The following FAM221A variants were observed in gnomAD, a reference collection of about 807,000 sequenced individuals.
The protein encoded by FAM221A is family with sequence similarity 221 member A, also known as protein FAM221A.
A neutral mutation model predicts 37.6 loss-of-function variants in FAM221A; 43 were observed. The observed-to-expected ratio is 1.15, with a 90% CI of 0.90 to 1.48. The LOEUF (loss-of-function observed/expected upper bound fraction) is 1.48. Ranked by LOEUF, FAM221A falls within the 40% of genes most tolerant of loss-of-function variation. The pLI, the probability that FAM221A is intolerant of heterozygous loss-of-function variation, is 0.00. For synonymous variants in FAM221A, 135 were observed against 132.9 expected, an observed-to-expected ratio of 1.02 and a Z score of -0.11; for missense variants, 361 against 361.5, an observed-to-expected ratio of 1.00 and a Z score of 0.01.
intron 3 of FAM221A, among the ~76,000 whole-genome samples, chr7:23,690,867 A>G (rs887578712): frequency 2.0e-5 from 3 of 152,216 alleles, no homozygotes; most frequent in African/African-American, 7.2e-5. Flanking sequence ...ATAGAATCAT[A>G]GAATATGTGG....
chr7:23,686,089 A>G (rs1349010722), intron 2 of FAM221A, among the ~76,000 whole-genome samples: 3 of 152,204 alleles, frequency 2.0e-5, no homozygotes, highest in African/African-American at 2.4e-5. Context: ...AACTCCAACT[A>G]AAAACACTGA....
At chr7:23,690,227 T>C (rs1237061608) in intron 3 of FAM221A, among the ~76,000 whole-genome samples, 1 of 141,236 alleles carries the variant, frequency 7.1e-6, no homozygotes, top group Non-Finnish European at 1.5e-5. Context: ...AGAGTTTTGC[T>C]CTTGTCACCC....
At position 23,698,073 on chromosome 7, in the gene FAM221A, T is replaced by G. The variant is rs780619603; in HGVS notation, c.638-119T>G. ...TTACACCCAGTCTAAAATTTTTTTT[T>G]TATAGAAAGAATTTCTAATAATTCT... On this transcript the variant is annotated intron_variant, in intron 4 of 6. Coordinates refer to ENST00000344962, the MANE Select transcript of FAM221A (RefSeq NM_199136.5). The G allele has an allele frequency of 6.3e-6, 4 of 639,816 alleles. No homozygotes were observed. In the Admixed American group the frequency reaches 1.4e-4, roughly 22 times the overall value. 39.6% of individuals were successfully genotyped at this position (639,816 alleles called of 1,614,324 possible). A position where few individuals can be genotyped will look rare whatever the true frequency, so the allele number is the denominator to read the frequency against.
At chr7:23,690,196 T>C (rs1165066293) in intron 3 of FAM221A, among the ~76,000 whole-genome samples, 1,181 of 47,214 alleles carry the variant, frequency 0.025, 20 homozygotes, top group Non-Finnish European at 0.046. Flanking sequence ...TATATATATA[T>C]ATATTTTTTT....
chr7:23,701,175 A>G (rs533636910), intron 6 of FAM221A, among the ~76,000 whole-genome samples: 1 of 151,130 alleles, frequency 6.6e-6, no homozygotes, highest in Admixed American at 6.6e-5. Flanking sequence ...TTTTTTATAC[A>G]TGTACCTTTA....
intron 2 of FAM221A, chr7:23,686,526 A>G (rs866796696): frequency 3.6e-6 from 1 of 276,298 alleles, no homozygotes; most frequent in African/African-American, 2.3e-5. Flanking sequence ...CGGGCTTTCC[A>G]AAGTACTCAG....
chr7:23,682,125 G>A (rs1784075564), intron 1 of FAM221A, among the ~76,000 whole-genome samples: 1 of 151,990 alleles, frequency 6.6e-6, no homozygotes, highest in African/African-American at 2.4e-5. Context: ...GAGTGCAGTG[G>A]CACTATAATG....
chr7:23,683,098 A>C (rs1784156676), intron 1 of FAM221A, among the ~76,000 whole-genome samples: 1 of 152,196 alleles, frequency 6.6e-6, no homozygotes, highest in African/African-American at 2.4e-5. Flanking sequence ...GTATGGAAAA[A>C]AGCATGTATT....
chr7:23,691,645 T>C, intron 4 of FAM221A, 49 bp downstream of exon 4: 1 of 1,486,060 alleles, frequency 6.7e-7, no homozygotes, highest in Non-Finnish European at 9.4e-7. Flanking sequence ...TTTTTATGTG[T>C]GCTAACAATA....
At chr7:23,699,380 C>T (rs889175548) in intron 5 of FAM221A, among the ~76,000 whole-genome samples, 2 of 151,838 alleles carry the variant, frequency 1.3e-5, no homozygotes, top group Admixed American at 6.6e-5. Context: ...CTCAGCTTCC[C>T]AAAGCACTAG....
Position 23,684,533 on chromosome 7 carries a change from A to G in FAM221A, c.100A>G (p.Thr34Ala). The G allele has an allele frequency of 2.5e-6, 4 of 1,610,544 alleles. No individual in the cohort carries two copies. Among genetic ancestry groups the G allele is most frequent in the Non-Finnish European group, 3.4e-6 (4 of 1,178,964 alleles). The stretch of plus-strand genomic sequence containing the variant: ...TGAGGATGATGGAGGGAAACTTTTT[A>G]CTCCTGAAGAATATGAAGAATACAA... The part of the protein sequence containing the change: ...VGEDDGGKLF[T>A]PEEYEEYKRK... Residue 34 changes from threonine to alanine, a missense_variant, in exon 2 of 7, where the codon ACT (threonine) becomes GCT (alanine). Transcript: ENST00000344962.
rs553285310 is a variant in FAM221A, at chr7:23,692,950, G to T, written c.637+1354G>T. The T allele has an allele frequency of 1.9e-5, 3 of 159,978 alleles. No individual in the cohort carries two copies. In the East Asian group the frequency reaches 5.8e-4, roughly 31 times the overall value. 9.9% of individuals were successfully genotyped at this position (159,978 alleles called of 1,614,324 possible). On this transcript the variant is annotated intron_variant, in intron 4 of 6. Transcript: ENST00000344962. The stretch of plus-strand genomic sequence containing the variant: ...TCCTAGTAGCTGGGATTACAGGCAT[G>T]CATCACCATACCTGGCTTTACTTTT...
chr7:23,696,857 G>C (rs1003198927), intron 4 of FAM221A, among the ~76,000 whole-genome samples: 5 of 152,194 alleles, frequency 3.3e-5, no homozygotes, highest in African/African-American at 1.2e-4. Flanking sequence ...GAAACCTCTT[G>C]CTGGAATTTG....
At chr7:23,686,792 CT>C (rs927531468) in intron 2 of FAM221A, 12 of 145,794 alleles carry the variant, frequency 8.2e-5, no homozygotes, top group Non-Finnish European at 1.1e-4. Flanking sequence ...ATGACTTTTT[CT>C]TTTTTTTTTG....
chr7:23,690,268 G>A (rs777192885), intron 3 of FAM221A, among the ~76,000 whole-genome samples: 3 of 145,096 alleles, frequency 2.1e-5, no homozygotes, highest in Non-Finnish European at 3.0e-5. Flanking sequence ...GCAGTGGTAT[G>A]ATCTTGGCTC....
intron 2 of FAM221A, 25 bp from the exon 3 acceptor site, chr7:23,689,244 T>A (rs778294039): frequency 6.8e-7 from 1 of 1,468,688 alleles, no homozygotes; most frequent in Non-Finnish European, 9.3e-7. Context: ...TGTGTTTATA[T>A]TTCTCTCTCT....
chr7:23,701,776 A>G (rs895664129), intron 6 of FAM221A, among the ~76,000 whole-genome samples: 2 of 152,214 alleles, frequency 1.3e-5, no homozygotes, highest in African/African-American at 4.8e-5. Context: ...GATTAGGTGC[A>G]TTATGTAACT....
rs569178751 is a variant in FAM221A at position 23,696,733 on chromosome 7, A to G, written c.638-1459A>G. ...GTCAATGAAAGAAGGTGGAGTGAAG[A>G]AAGGTGAGAGTAAGGAGAGGAAATA... On this transcript the variant is annotated intron_variant, in intron 4 of 6. Transcript: ENST00000344962. 5.9e-5 allele frequency among the ~76,000 whole-genome samples: 9 copies of G among 152,316 alleles called. No homozygotes were observed. The South Asian group carries it at 1.9e-3, about 32-fold the overall frequency.
intron 1 of FAM221A, among the ~76,000 whole-genome samples, chr7:23,684,110 C>T (rs756081229): frequency 2.0e-5 from 3 of 151,960 alleles, no homozygotes; most frequent in African/African-American, 7.3e-5. Flanking sequence ...TCCTTCAGAC[C>T]CCCAGTAAAC....
Sources: gnomAD v4.1 joint callset for allele counts (sites outside exome capture counted in the v4.1 genomes callset) on GRCh38, gnomAD v4.1.1 for gene constraint, MANE v1.5 for transcripts, NCBI Gene and HGNC (gene_info 2026-07-23, HGNC 2026-07-21) for gene names.